The following NRXN3 variants were observed in gnomAD, a reference collection of about 807,000 sequenced individuals.
NRXN3 encodes the protein neurexin III.
In NRXN3, 32 loss-of-function variants were observed where a neutral mutation model predicts 137.6. The ratio of observed to expected loss-of-function variants is 0.23; its 90% CI spans 0.18 to 0.31. The LOEUF is 0.31. Among genes scored for constraint, NRXN3 ranks in the 10% least tolerant of loss-of-function variants. The probability of loss-of-function intolerance (pLI) is 1.00; values close to 1 mark genes in which losing one functional copy is unlikely to be tolerated. For synonymous variants in NRXN3, 798 were observed against 784.5 expected, an observed-to-expected ratio of 1.02 and a Z score of -0.29; for missense variants, 1,574 against 2,062.5, an observed-to-expected ratio of 0.76 and a Z score of 4.59.
At chr14:79,704,061 G>C (rs2098766276) in intron 19 of NRXN3, among the ~76,000 whole-genome samples, 2 of 152,066 alleles carry the variant, frequency 1.3e-5, no homozygotes, top group Non-Finnish European at 2.9e-5. Flanking sequence ...AGAGCCCCAA[G>C]CTCATCAATC....
intron 19 of NRXN3, among the ~76,000 whole-genome samples, chr14:79,716,261 T>G (rs980459351): frequency 6.6e-6 from 1 of 152,146 alleles, no homozygotes; most frequent in African/African-American, 2.4e-5. Context: ...ATGTGCAAGG[T>G]TCCATGGAAT....
chr14:78,296,360 T>C (rs2076336638), intron 3 of NRXN3, among the ~76,000 whole-genome samples: 1 of 152,166 alleles, frequency 6.6e-6, no homozygotes, highest in Non-Finnish European at 1.5e-5. Flanking sequence ...GCCACTCTTG[T>C]GAGCGTCACC....
chr14:79,681,624 G>A (rs1162792909), intron 17 of NRXN3, among the ~76,000 whole-genome samples: 3 of 152,114 alleles, frequency 2.0e-5, no homozygotes, highest in Non-Finnish European at 4.4e-5. Context: ...GTGCCCATAT[G>A]CCCAAGCAAG....
At chr14:79,727,463 G>T (rs2098897869) in intron 19 of NRXN3, among the ~76,000 whole-genome samples, 7 of 152,148 alleles carry the variant, frequency 4.6e-5, no homozygotes. Context: ...TTTCAACAAA[G>T]AGCAAGGGAC....
At chr14:78,563,873 A>G (rs1279014478) in intron 4 of NRXN3, among the ~76,000 whole-genome samples, 1 of 152,230 alleles carries the variant, frequency 6.6e-6, no homozygotes, top group Non-Finnish European at 1.5e-5. Context: ...GAATGGGATC[A>G]TGGGGGACCC....
chr14:79,700,253 C>T (rs946891423), intron 19 of NRXN3, among the ~76,000 whole-genome samples: 1 of 151,854 alleles, frequency 6.6e-6, no homozygotes, highest in African/African-American at 2.4e-5. Context: ...CCTATGTGAC[C>T]CCACTACTTT....
At chr14:78,874,229 C>T (rs2099108298) in intron 10 of NRXN3, among the ~76,000 whole-genome samples, 1 of 152,226 alleles carries the variant, frequency 6.6e-6, no homozygotes, top group East Asian at 1.9e-4. Context: ...GCCTTGGACT[C>T]CCGAAGTTCT....
chr14:78,769,058 T>C (rs1304138519), intron 8 of NRXN3, among the ~76,000 whole-genome samples: 1 of 152,172 alleles, frequency 6.6e-6, no homozygotes, highest in East Asian at 1.9e-4. Context: ...GTTGGTTTCT[T>C]TGGCAGTCAG....
chr14:79,206,552 T>G (rs1033744324), intron 15 of NRXN3, among the ~76,000 whole-genome samples: 7 of 152,320 alleles, frequency 4.6e-5, no homozygotes, highest in African/African-American at 1.4e-4. Flanking sequence ...TACAAGTATT[T>G]AAAGGCTAGC....
rs61547792 is a variant in NRXN3 at position 79,785,512 on chromosome 14, T to A, written c.4015-19600T>A. 5.8e-3 allele frequency among the ~76,000 whole-genome samples: 886 copies of A among 152,312 alleles called. 11 individuals are homozygous for A. Among genetic ancestry groups the A allele is most frequent in the African/African-American group, 0.02 (849 of 41,562 alleles). On this transcript the variant is annotated intron_variant, in intron 19 of 20. Transcript: ENST00000335750. The stretch of plus-strand genomic sequence containing the variant: ...CTCCCACCTTTGACTATTAATATCC[T>A]ATTTATTATTCTATCAAAGCCAAAG...
Position 78,249,528 on chromosome 14 carries a change from A to T in NRXN3, c.709+5726A>T, listed in dbSNP as rs543846082. On this transcript the variant is annotated intron_variant, in intron 2 of 20. Transcript: ENST00000335750. ...CAGGCTGCACTTGGGGGATGGGACT[A>T]CCATGACCCCCTTTACTTGCAGTCA... Among the ~76,000 whole-genome samples the T allele has an allele frequency of 3.7e-4, 57 of 152,204 alleles. No homozygotes were observed. In the East Asian group the frequency reaches 0.01, roughly 28 times the overall value.
chr14:79,102,980 G>A (rs1160721739), intron 15 of NRXN3, among the ~76,000 whole-genome samples: 1 of 152,110 alleles, frequency 6.6e-6, no homozygotes, highest in Admixed American at 6.6e-5. Context: ...AGGTCTGAGA[G>A]GTAAATAGTT....
chr14:79,221,821 T>C (rs1010811255), intron 15 of NRXN3, among the ~76,000 whole-genome samples: 1 of 152,144 alleles, frequency 6.6e-6, no homozygotes, highest in Non-Finnish European at 1.5e-5. Context: ...TCATGAAGTC[T>C]TTGCCCATGC....
chr14:79,280,685 A>C, intron 15 of NRXN3: 1 of 837,168 alleles, frequency 1.2e-6, no homozygotes, highest in South Asian at 1.7e-5. Context: ...GAGGGAAGCA[A>C]ATTTCTACTT....
intron 3 of NRXN3, chr14:78,282,428 A>G (rs200070616): frequency 1.1e-5 from 3 of 276,766 alleles, no homozygotes; most frequent in Non-Finnish European, 2.2e-5. Context: ...TGCTCCAATG[A>G]CAGCCTCTCT....
chr14:78,576,202 T>C (rs60875059), intron 4 of NRXN3, among the ~76,000 whole-genome samples: 15,890 of 152,202 alleles, frequency 0.1, 1,198 homozygotes, highest in East Asian at 0.24. Flanking sequence ...GCAGCTCTCA[T>C]CCTGATCAGA....
chr14:78,190,290 G>T (rs1272563925), intron 1 of NRXN3, among the ~76,000 whole-genome samples: 1 of 152,194 alleles, frequency 6.6e-6, no homozygotes. Context: ...ATTTTGAACA[G>T]GAATACCTGT....
chr14:79,321,499 C>T (rs2090010996), intron 15 of NRXN3, among the ~76,000 whole-genome samples: 1 of 152,008 alleles, frequency 6.6e-6, no homozygotes, highest in African/African-American at 2.4e-5. Context: ...AAAATAAGGA[C>T]ATTCTATTTT....
chr14:79,516,644 G>C (rs1012019062), intron 16 of NRXN3, among the ~76,000 whole-genome samples: 2 of 152,096 alleles, frequency 1.3e-5, no homozygotes, highest in African/African-American at 4.8e-5. Context: ...ATCTACTCAA[G>C]AAACCAGTTA....
Sources: gnomAD v4.1 joint callset for allele counts (sites outside exome capture counted in the v4.1 genomes callset) on GRCh38, gnomAD v4.1.1 for gene constraint, MANE v1.5 for transcripts, NCBI Gene and HGNC (gene_info 2026-07-23, HGNC 2026-07-21) for gene names.